The following POGZ variants were observed in gnomAD, a reference collection of about 807,000 sequenced individuals.
The protein encoded by POGZ is pogo transposable element derived with ZNF domain, also known as pogo transposable element with ZNF domain.
A neutral mutation model predicts 134.6 loss-of-function variants in POGZ; 17 were observed. The observed-to-expected ratio is 0.13, with a 90% confidence interval of 0.09 to 0.19. POGZ has a LOEUF of 0.19. POGZ is among the 10% of genes least tolerant of loss of function. The pLI, the probability that POGZ is intolerant of heterozygous loss-of-function variation, is 1.00. For missense variants in POGZ, 1,306 were observed against 1,769.7 expected (o/e 0.74, Z 4.70); for synonymous variants, 693 against 657.1 (o/e 1.05, Z -0.84).
chr1:151,408,435 G>A lies in POGZ; in HGVS notation c.2208C>T (p.Ser736=). The A allele has an allele frequency of 3.1e-6, 5 of 1,593,660 alleles. No individual in the cohort carries two copies. Among genetic ancestry groups the A allele is most frequent in the Non-Finnish European group, 4.3e-6 (5 of 1,174,640 alleles). The change falls in exon 14 of 19, where the codon AGC becomes AGT. Residue 736 remains serine (S), a synonymous_variant. Coordinates refer to ENST00000271715, the MANE Select transcript of POGZ (RefSeq NM_015100.4). ...PVFLYPPVQR[S]IQKRAVRKMS... Reference sequence around the variant, plus strand: ...TTTTCCTAACAGCTCTCTTCTGGATGCTGCGCTGGACAGGGGGATAAAGGA... The same window carrying A: ...TTTTCCTAACAGCTCTCTTCTGGATACTGCGCTGGACAGGGGGATAAAGGA...
At chr1:151,418,543 A>C (rs564973377) in intron 10 of POGZ, among the ~76,000 whole-genome samples, 10 of 152,312 alleles carry the variant, frequency 6.6e-5, no homozygotes, top group African/African-American at 2.2e-4. Context: ...TATAGTTTAC[A>C]ATAACCTGTT....
chr1:151,428,945 A>T (rs907667823), intron 5 of POGZ, among the ~76,000 whole-genome samples: 1 of 152,206 alleles, frequency 6.6e-6, no homozygotes, highest in African/African-American at 2.4e-5. Context: ...GTCAGACTTA[A>T]ACCCCTATGG....
In POGZ at chr1:151,430,714, A is replaced by G. The variant is rs1375978912; in HGVS notation, c.411T>C (p.His137=). The change falls in exon 4 of 19, where the codon CAT becomes CAC. Residue 137 remains histidine (H), a synonymous_variant. Transcript: ENST00000271715. ...RPVQVMQNAN[H]VTSSPVASQP... is the part of the protein sequence containing the mutation. ...GTGAGGCCACAGGGGAACTAGTCAC[A>G]TGATTGGCATTCTGCATGACCTGAA... The G allele has an allele frequency of 1.2e-6, 2 of 1,610,246 alleles. No homozygotes were observed. The highest frequency in any genetic ancestry group is 1.7e-5 in the Admixed American group (1 of 59,566).
At position 151,458,901 on chromosome 1, in the gene POGZ, TCCCGCGG is replaced by T. The variant is rs1361233440; in HGVS notation, c.-2+244_-2+250del. On this transcript the variant is annotated intron_variant, in intron 1 of 18. Transcript: ENST00000271715. Reference sequence around the variant, plus strand: ...CTCCGCCGCCGGCCCTTCGCGCGGCTCCCGCGGCCCGGGGCGCACGCACACACACTCG... The same window carrying T: ...CTCCGCCGCCGGCCCTTCGCGCGGCTCCCGGGGCGCACGCACACACACTCG... Among the ~76,000 whole-genome samples the T allele has an allele frequency of 1.2e-4, 17 of 141,782 alleles. No individual in the cohort carries two copies. The South Asian group carries it at 3.2e-3, about 27-fold the overall frequency. The allele number at this position is 141,782 out of a possible 152,430, so 93.0% of individuals were successfully genotyped here.
Position 151,408,126 on chromosome 1 carries a change from A to T in POGZ, c.2349T>A (p.Ser783=). 1 of 1,613,716 alleles carries T rather than the reference A, an allele frequency of 6.2e-7. No individual in the cohort carries two copies. Among genetic ancestry groups the T allele is most frequent in the Non-Finnish European group, 8.5e-7 (1 of 1,179,786 alleles). The change falls in exon 15 of 19, where the codon TCT becomes TCA. Residue 783 remains serine, a synonymous_variant. Transcript: ENST00000271715. ...CSLCRYSTCC[S]RAYANHMINN... ...TGATCATGTGGTTGGCATAAGCTCGAGAACAGCAGGTGCTATAGCGACACA... is the reference window on the plus strand; with the variant it reads ...TGATCATGTGGTTGGCATAAGCTCGTGAACAGCAGGTGCTATAGCGACACA...
At chr1:151,416,571 G>A (rs1478331711) in intron 10 of POGZ, among the ~76,000 whole-genome samples, 1 of 151,072 alleles carries the variant, frequency 6.6e-6, no homozygotes, top group African/African-American at 2.4e-5. Context: ...GCTCCTTCAA[G>A]TCACTGCACT....
At chr1:151,424,635 C>T (rs1045791080) in intron 8 of POGZ, among the ~76,000 whole-genome samples, 1 of 152,186 alleles carries the variant, frequency 6.6e-6, no homozygotes, top group Admixed American at 6.5e-5. Flanking sequence ...GCTCCCGATT[C>T]ATCCAATGAC....
chr1:151,426,834 T>A (rs1657869318), intron 7 of POGZ: 1 of 152,124 alleles, frequency 6.6e-6, no homozygotes, highest in Non-Finnish European at 1.5e-5. Context: ...CCATTTTGAG[T>A]TAATTTTTGT....
chr1:151,423,092 T>C lies in POGZ; in HGVS notation c.1678+305A>G, dbSNP rs187124875. Among the ~76,000 whole-genome samples, 24 of 152,356 alleles carry C rather than the reference T, an allele frequency of 1.6e-4. No homozygotes were observed. The East Asian group carries it at 2.3e-3, about 15-fold the overall frequency. On this transcript the variant is annotated intron_variant, in intron 10 of 18. Transcript: ENST00000271715. ...TAAAGTGGAAGAGCAAATAGATGAC[T>C]GTTCCTTCTATAAAGAGACCTAAGA...
chr1:151,451,328 T>TA (rs200751831), intron 1 of POGZ, among the ~76,000 whole-genome samples: 1 of 139,204 alleles, frequency 7.2e-6, no homozygotes, highest in South Asian at 2.3e-4. Context: ...TTATTTTATT[T>TA]TTTTTTAAAT....
chr1:151,431,782 C>T (rs1658736774), intron 3 of POGZ, among the ~76,000 whole-genome samples: 1 of 152,158 alleles, frequency 6.6e-6, no homozygotes, highest in African/African-American at 2.4e-5. Flanking sequence ...TATTTCATGA[C>T]ATTTGGTGAA....
rs1440654656 is a variant in POGZ at position 151,459,380 on chromosome 1, G to GC, written c.-231dup. ...TTTTTTTCCCGAGGGGGGCGGGGGG[G>GC]CCCCGAGGGAGGGGGGTGGGGGGGC... On this transcript the variant is annotated 5_prime_UTR_variant, in exon 1 of 19. Transcript: ENST00000271715. 1.5e-5 allele frequency: 2 copies of GC among 135,404 alleles called. No individual in the cohort carries two copies. Among genetic ancestry groups the GC allele is most frequent in the Non-Finnish European group, 3.2e-5 (2 of 62,704 alleles). 8.4% of individuals were successfully genotyped at this position (135,404 alleles called of 1,614,324 possible).
Position 151,430,787 on chromosome 1 carries a change from G to A in POGZ, c.338C>T (p.Pro113Leu). Residue 113 changes from proline to leucine, a missense_variant, in exon 4 of 19, where the codon CCA becomes CTA. By Grantham distance (98) the Pro-to-Leu change is moderately conservative. Coordinates refer to ENST00000271715, the MANE Select transcript of POGZ (RefSeq NM_015100.4). ...AACCATTGTGCCCAGACCTGGGGCT[G>A]GATTCTGGGTCAGGATGAGTGGCTG... ...GGQPLILTQNPAPGLGTMVTQ... is the reference protein window; with the variant it reads ...GGQPLILTQNLAPGLGTMVTQ... The A allele has an allele frequency of 6.3e-7, 1 of 1,597,092 alleles. No homozygotes were observed. Among genetic ancestry groups the A allele is most frequent in the Non-Finnish European group, 8.5e-7 (1 of 1,173,254 alleles).
In POGZ at chr1:151,406,952, A is replaced by G; in HGVS notation, c.2504T>C (p.Val835Ala). 1 of 1,614,104 alleles carries G rather than the reference A, an allele frequency of 6.2e-7. No homozygotes were observed. Among genetic ancestry groups the G allele is most frequent in the African/African-American group, 1.3e-5 (1 of 75,028 alleles). The stretch of plus-strand genomic sequence containing the variant: ...GCTGGATCTGTGAGAGGGGTTGAAT[A>G]CCAAATGCTTGGCCATAGCATCGCC... The part of the protein sequence containing the change: ...SVGDAMAKHL[V>A]FNPSHRSSSI... Residue 835 changes from valine to alanine, a missense_variant, in exon 17 of 19, where the codon GTA (valine) becomes GCA (alanine). Transcript: ENST00000271715.
rs377647103 is a variant in POGZ at position 151,431,718 on chromosome 1, ATATCT to A, written c.284-882_284-878del. ...ATTAATAAACTGGGCTATTATTGAA[ATATCT>A]TAAATTCTTTTCATTTGTGAAAAAT... On this transcript the variant is annotated intron_variant, in intron 3 of 18. Transcript: ENST00000271715. Among the ~76,000 whole-genome samples the A allele has an allele frequency of 4.1e-4, 62 of 152,348 alleles. No homozygotes were observed. In the East Asian group the frequency reaches 8.7e-3, roughly 21 times the overall value.
At chr1:151,441,323 C>A (rs1199776726) in intron 2 of POGZ, among the ~76,000 whole-genome samples, 2 of 152,176 alleles carry the variant, frequency 1.3e-5, no homozygotes, top group African/African-American at 2.4e-5. Context: ...ACGGAGCCCA[C>A]TGAACTGGGA....
chr1:151,405,587 C>T lies in POGZ; in HGVS notation c.3448G>A (p.Val1150Met), dbSNP rs1035011752. 2 of 1,614,032 alleles carry T rather than the reference C, an allele frequency of 1.2e-6. No individual in the cohort carries two copies. Among genetic ancestry groups the T allele is most frequent in the African/African-American group, 2.7e-5 (2 of 74,950 alleles). ...DDRKENALQTVGTGEPWCDVV... is the reference protein window; with the variant it reads ...DDRKENALQTMGTGEPWCDVV... ...TCACACCAAGGTTCCCCTGTGCCCACTGTCTGCAGGGCATTCTCCTTTCGA... is the reference window on the plus strand; with the variant it reads ...TCACACCAAGGTTCCCCTGTGCCCATTGTCTGCAGGGCATTCTCCTTTCGA... Residue 1150 changes from valine to methionine, a missense_variant, in exon 19 of 19, where the codon GTG becomes ATG. By Grantham distance (21) the Val-to-Met change is conservative. Transcript: ENST00000271715. The surrounding 1 kb of genome is among the most constrained non-coding windows in gnomAD (Gnocchi z 4.9).
In POGZ at chr1:151,442,043, T is replaced by G. The variant is rs1479812535; in HGVS notation, c.124+38A>C. ...TAACCAAAATACCATTCAATTTAATTAATTTAAACCATCTAAGATCAGAAG... is the reference window on the plus strand; with the variant it reads ...TAACCAAAATACCATTCAATTTAATGAATTTAAACCATCTAAGATCAGAAG... On this transcript the variant is annotated intron_variant, in intron 2 of 18. Transcript: ENST00000271715. The G allele has an allele frequency of 4.7e-6, 7 of 1,478,438 alleles. No homozygotes were observed. The African/African-American group carries it at 5.6e-5, about 12-fold the overall frequency. 91.6% of individuals were successfully genotyped at this position (1,478,438 alleles called of 1,614,324 possible).
At chr1:151,413,317 G>A (rs1341868731) in intron 10 of POGZ, among the ~76,000 whole-genome samples, 3 of 151,612 alleles carry the variant, frequency 2.0e-5, no homozygotes, top group Non-Finnish European at 4.4e-5. Context: ...ACAGGGTCTC[G>A]CCATGTTGCC....
Sources: gnomAD v4.1 joint callset for allele counts (sites outside exome capture counted in the v4.1 genomes callset) on GRCh38, gnomAD v4.1.1 for gene constraint, Gnocchi (gnomAD v3.1) non-coding constraint, MANE v1.5 for transcripts, NCBI Gene and HGNC (gene_info 2026-07-23, HGNC 2026-07-21) for gene names.